The following GRIN2A variants were observed in gnomAD, a reference collection of about 807,000 sequenced individuals.
GRIN2A encodes the protein glutamate receptor ionotropic, NMDA 2A.
GRIN2A carries 22 observed loss-of-function variants against 113.4 expected under a neutral mutation model. That is an observed-to-expected ratio of 0.19 (90% CI 0.14 to 0.28). The LOEUF (loss-of-function observed/expected upper bound fraction) is 0.28. Ranked by LOEUF, GRIN2A falls within the 10% of genes least tolerant of loss-of-function variation. GRIN2A has a pLI of 1.00. For missense variants in GRIN2A, 1,502 were observed against 1,887.0 expected (o/e 0.80, Z 3.78); for synonymous variants, 827 against 738.4 (o/e 1.12, Z -1.94).
rs191402630 is a variant in GRIN2A at position 9,859,578 on chromosome 16, T to C, written c.1123-9617A>G. On this transcript the variant is annotated intron_variant, in intron 4 of 12. Transcript: ENST00000330684. ...ACACGTACAACTACAAATACACACA[T>C]ACCTAACACAAACACATATACTCGA... 3.8e-4 allele frequency among the ~76,000 whole-genome samples: 55 copies of C among 146,062 alleles called. No individual in the cohort carries two copies. The Admixed American group carries it at 3.8e-3, about 10-fold the overall frequency.
chr16:10,021,380 G>T (rs933349974), intron 2 of GRIN2A, among the ~76,000 whole-genome samples: 1 of 152,168 alleles, frequency 6.6e-6, no homozygotes, highest in South Asian at 2.1e-4. Flanking sequence ...GGAAAATGAC[G>T]CCCAGAAAGG....
At chr16:9,805,898 A>ACACTC (rs1168067047) in intron 10 of GRIN2A, among the ~76,000 whole-genome samples, 1 of 152,156 alleles carries the variant, frequency 6.6e-6, no homozygotes, top group African/African-American at 2.4e-5. Context: ...TGGGCAAGAG[A>ACACTC]CACTCAACCT....
chr16:10,067,330 G>A (rs1166429376), intron 2 of GRIN2A, among the ~76,000 whole-genome samples: 1 of 152,108 alleles, frequency 6.6e-6, no homozygotes, highest in Admixed American at 6.6e-5. Flanking sequence ...TTTTCCAACG[G>A]TGGAGCCACA....
chr16:9,778,202 C>T (rs1453911165), intron 11 of GRIN2A, among the ~76,000 whole-genome samples: 1 of 152,192 alleles, frequency 6.6e-6, no homozygotes, highest in Non-Finnish European at 1.5e-5. Flanking sequence ...TACACATGGT[C>T]ATAATTTTCC....
At chr16:9,769,185 G>T (rs1168768653) in intron 11 of GRIN2A, 96 bp from the exon 12 acceptor site, 3 of 938,080 alleles carry the variant, frequency 3.2e-6, no homozygotes, top group Non-Finnish European at 5.3e-6. Context: ...GCAACTCACA[G>T]CTATGTAACC....
intron 11 of GRIN2A, among the ~76,000 whole-genome samples, chr16:9,796,548 TG>T: frequency 6.6e-6 from 1 of 152,366 alleles, no homozygotes; most frequent in East Asian, 1.9e-4. Flanking sequence ...TGACCTGCTT[TG>T]GACAGAAGGA....
chr16:10,162,730 G>A (rs576692579), intron 2 of GRIN2A, among the ~76,000 whole-genome samples: 22 of 152,330 alleles, frequency 1.4e-4, no homozygotes, highest in Middle Eastern at 3.4e-3. Context: ...CTAGGGGTTA[G>A]GACCCAATAT....
In GRIN2A at chr16:10,004,948, G is replaced by A. The variant is rs909173881; in HGVS notation, c.415-66397C>T. Among the ~76,000 whole-genome samples, 5 of 152,204 alleles carry A rather than the reference G, an allele frequency of 3.3e-5. No homozygotes were observed. In the South Asian group the frequency reaches 1.0e-3, roughly 32 times the overall value. On this transcript the variant is annotated intron_variant, in intron 2 of 12. Transcript: ENST00000330684. ...AGAGAGAGTAGAAGTGGAAAGGAAA[G>A]ACAATTTTAAGAATTGTTACTTAAA... is the stretch of plus-strand genomic sequence containing the variant.
At chr16:10,170,908 T>C (rs2050028713) in intron 2 of GRIN2A, among the ~76,000 whole-genome samples, 1 of 151,854 alleles carries the variant, frequency 6.6e-6, no homozygotes, top group Non-Finnish European at 1.5e-5. Flanking sequence ...AATTGTGTTG[T>C]ACACCTTTAA....
rs7205465 is a variant in GRIN2A, at chr16:10,061,676, G to A, written c.414+118322C>T. On this transcript the variant is annotated intron_variant, in intron 2 of 12. Coordinates refer to ENST00000330684, the MANE Select transcript of GRIN2A (RefSeq NM_001134407.3). ...TATAAACTCTAAGTGCCTCTTTTCCGAACTCTTAGAAGGTTAGTAGTGGCA... is the reference window on the plus strand; with the variant it reads ...TATAAACTCTAAGTGCCTCTTTTCCAAACTCTTAGAAGGTTAGTAGTGGCA... Among the ~76,000 whole-genome samples, 1,089 of 152,220 alleles carry A rather than the reference G, an allele frequency of 7.2e-3. 10 individuals carry two copies. Among genetic ancestry groups the A allele is most frequent in the African/African-American group, 0.025 (1,029 of 41,528 alleles).
chr16:10,026,679 G>C (rs536432888), intron 2 of GRIN2A, among the ~76,000 whole-genome samples: 3 of 147,534 alleles, frequency 2.0e-5, no homozygotes, highest in Non-Finnish European at 3.0e-5. Flanking sequence ...ACCACCACCA[G>C]CAGACATGGG....
At chr16:10,043,989 ACG>A (rs2047212797) in intron 2 of GRIN2A, among the ~76,000 whole-genome samples, 21 of 136,902 alleles carry the variant, frequency 1.5e-4, no homozygotes, top group African/African-American at 5.4e-4. Flanking sequence ...ATATACACAT[ACG>A]TGTGTGTGTG....
At chr16:9,797,696 C>T (rs1903087727) in intron 11 of GRIN2A, among the ~76,000 whole-genome samples, 1 of 152,170 alleles carries the variant, frequency 6.6e-6, no homozygotes, top group Non-Finnish European at 1.5e-5. Context: ...GGACTGATTA[C>T]AGCCTAGTTA....
chr16:9,891,728 T>C (rs970874673), intron 3 of GRIN2A, among the ~76,000 whole-genome samples: 1 of 152,068 alleles, frequency 6.6e-6, no homozygotes, highest in Non-Finnish European at 1.5e-5. Flanking sequence ...GAAGGCTCAA[T>C]TGGCATTAAC....
Position 10,180,899 on chromosome 16 carries a change from A to C in GRIN2A, c.-18-470T>G. 5.3e-6 allele frequency: 1 copy of C among 190,236 alleles called. No homozygotes were observed. Among genetic ancestry groups the C allele is most frequent in the African/African-American group, 2.3e-5 (1 of 42,602 alleles). 11.8% of individuals were successfully genotyped at this position (190,236 alleles called of 1,614,324 possible). The stretch of plus-strand genomic sequence containing the variant: ...CCTGCTGGCGCGGAGCGAACTACAG[A>C]CCCCGCAGGGCGTGCGGAGGCGGCA... On this transcript the variant is annotated intron_variant, in intron 1 of 12. Coordinates refer to ENST00000330684, the MANE Select transcript of GRIN2A (RefSeq NM_001134407.3). This position sits in a 1 kb window ranked among gnomAD's most constrained non-coding sequence, Gnocchi z 7.0.
At chr16:9,858,718 A>T (rs1021770454) in intron 4 of GRIN2A, among the ~76,000 whole-genome samples, 1 of 152,168 alleles carries the variant, frequency 6.6e-6, no homozygotes, top group Admixed American at 6.5e-5. Context: ...AAGGGCAGTG[A>T]TTACTTATCA....
chr16:10,171,707 C>A (rs1238421973), intron 2 of GRIN2A, among the ~76,000 whole-genome samples: 1 of 152,142 alleles, frequency 6.6e-6, no homozygotes, highest in Non-Finnish European at 1.5e-5. Flanking sequence ...TACATGTACA[C>A]TGGAGAAAAA....
intron 2 of GRIN2A, among the ~76,000 whole-genome samples, chr16:10,169,068 CCTT>C (rs1427836507): frequency 2.0e-5 from 3 of 151,618 alleles, no homozygotes; most frequent in Non-Finnish European, 4.4e-5. Context: ...TAAGACTTAA[CCTT>C]CTACCTTGTA....
rs187195604 is a variant in GRIN2A at position 10,126,753 on chromosome 16, T to C, written c.414+53245A>G. Reference sequence around the variant, plus strand: ...CCCTGAAACGACCACAAAGCAACCATTTGATTCTGCCAAAAATATTGTCTT... The same window carrying C: ...CCCTGAAACGACCACAAAGCAACCACTTGATTCTGCCAAAAATATTGTCTT... On this transcript the variant is annotated intron_variant, in intron 2 of 12. Coordinates refer to ENST00000330684, the MANE Select transcript of GRIN2A (RefSeq NM_001134407.3). 4.1e-4 allele frequency among the ~76,000 whole-genome samples: 63 copies of C among 152,294 alleles called. 2 individuals are homozygous for C. The highest frequency in any genetic ancestry group is 1.3e-3 in the African/African-American group (56 of 41,572).
Sources: allele counts gnomAD v4.1 joint callset (sites outside exome capture counted in the v4.1 genomes callset), GRCh38; gene constraint gnomAD v4.1.1; non-coding constraint Gnocchi (gnomAD v3.1); transcripts MANE v1.5; gene names NCBI Gene and HGNC (gene_info 2026-07-23, HGNC 2026-07-21).